NDST3: variants seen among roughly 807,000 people sequenced by gnomAD.
NDST3 encodes bifunctional heparan sulfate N-deacetylase/N-sulfotransferase 3.
NDST3 carries 58 observed loss-of-function variants against 96.1 expected under a neutral mutation model. The ratio of observed to expected loss-of-function variants is 0.60; its 90% CI spans 0.49 to 0.75. The LOEUF is 0.75. Ranked by LOEUF, NDST3 falls within the 30% of genes least tolerant of loss-of-function variation. The pLI, the probability that NDST3 is intolerant of heterozygous loss-of-function variation, is 0.00. For missense variants in NDST3, 788 were observed against 1,034.2 expected (o/e 0.76, Z 3.27); for synonymous variants, 333 against 359.7 (o/e 0.93, Z 0.84).
chr4:118,231,480 AC>A (rs966417015), intron 8 of NDST3, among the ~76,000 whole-genome samples: 50 of 151,320 alleles, frequency 3.3e-4, no homozygotes, highest in Admixed American at 1.3e-3. Context: ...CCATATTAAT[AC>A]CATTTAAGTA....
At chr4:118,151,497 T>A (rs1345208172) in intron 6 of NDST3, among the ~76,000 whole-genome samples, 7 of 152,170 alleles carry the variant, frequency 4.6e-5, no homozygotes, top group Non-Finnish European at 1.0e-4. Flanking sequence ...GATGCTTGAA[T>A]TTTAGAAATC....
At chr4:118,179,932 A>C (rs987176117) in intron 6 of NDST3, among the ~76,000 whole-genome samples, 1 of 152,072 alleles carries the variant, frequency 6.6e-6, no homozygotes, top group Admixed American at 6.6e-5. Context: ...GCTCTACTTT[A>C]CTACAAGGAA....
chr4:118,152,559 TA>T (rs1453627260), intron 6 of NDST3, among the ~76,000 whole-genome samples: 2 of 152,170 alleles, frequency 1.3e-5, no homozygotes, highest in Non-Finnish European at 2.9e-5. Context: ...CTACTGTAAA[TA>T]TTTTTCTGAT....
intron 2 of NDST3, among the ~76,000 whole-genome samples, chr4:118,059,082 C>A (rs1725687958): frequency 6.6e-6 from 1 of 152,070 alleles, no homozygotes; most frequent in African/African-American, 2.4e-5. Context: ...TCTCTCCCTT[C>A]CTCTCTCTCT....
intron 6 of NDST3, among the ~76,000 whole-genome samples, chr4:118,201,055 G>A (rs188526469): frequency 6.6e-6 from 1 of 152,284 alleles, no homozygotes; most frequent in South Asian, 2.1e-4. Context: ...TTCTGTTTCT[G>A]CATTAATTTG....
chr4:118,170,501 C>T (rs570292331), intron 6 of NDST3, among the ~76,000 whole-genome samples: 30 of 152,154 alleles, frequency 2.0e-4, no homozygotes, highest in African/African-American at 6.7e-4. Flanking sequence ...AGACAGAGGT[C>T]GGCAGATCAC....
intron 1 of NDST3, among the ~76,000 whole-genome samples, chr4:118,038,232 G>T (rs923622114): frequency 6.6e-6 from 1 of 152,162 alleles, no homozygotes; most frequent in Non-Finnish European, 1.5e-5. Context: ...CAATCTTAGA[G>T]GGTAAAGGCA....
At chr4:118,130,008 T>C (rs1732475176) in intron 4 of NDST3, among the ~76,000 whole-genome samples, 2 of 152,206 alleles carry the variant, frequency 1.3e-5, no homozygotes, top group East Asian at 1.9e-4. Flanking sequence ...TAACTACTCC[T>C]GTTCATTTTT....
At chr4:118,198,254 T>A (rs1488042171) in intron 6 of NDST3, among the ~76,000 whole-genome samples, 1 of 152,210 alleles carries the variant, frequency 6.6e-6, no homozygotes, top group Admixed American at 6.5e-5. Flanking sequence ...TTCCTTCATG[T>A]CTTTCTTTTT....
chr4:118,175,968 T>C (rs7685455), intron 6 of NDST3, among the ~76,000 whole-genome samples: 27,530 of 151,988 alleles, frequency 0.18, 2,645 homozygotes, highest in South Asian at 0.23. Flanking sequence ...GTGCTATCCT[T>C]ACTCCACTTT....
intron 6 of NDST3, among the ~76,000 whole-genome samples, chr4:118,148,328 T>A (rs1040273227): frequency 1.3e-5 from 2 of 152,168 alleles, no homozygotes; most frequent in Admixed American, 1.3e-4. Context: ...CTACACTTGC[T>A]TGGAATTCAG....
rs567086269 is a variant in NDST3, at chr4:118,110,054, A to C, written c.1070-4752A>C. ...ACTTGTTTTCTAGATAAGAACATAGAAACTTAAAGGGGCCCAAGGTCACAT... is the reference window on the plus strand; with the variant it reads ...ACTTGTTTTCTAGATAAGAACATAGCAACTTAAAGGGGCCCAAGGTCACAT... On this transcript the variant is annotated intron_variant, in intron 3 of 13. Transcript: ENST00000296499. Among the ~76,000 whole-genome samples, 12 of 152,314 alleles carry C rather than the reference A, an allele frequency of 7.9e-5. No individual in the cohort carries two copies. In the South Asian group the frequency reaches 2.5e-3, roughly 32 times the overall value.
chr4:118,094,372 G>T (rs1285752850), intron 2 of NDST3, among the ~76,000 whole-genome samples: 1 of 151,790 alleles, frequency 6.6e-6, no homozygotes, highest in Non-Finnish European at 1.5e-5. Flanking sequence ...GCCACATTAA[G>T]AGGTTATTCA....
At chr4:118,217,484 C>T (rs1739266366) in intron 6 of NDST3, among the ~76,000 whole-genome samples, 1 of 152,082 alleles carries the variant, frequency 6.6e-6, no homozygotes, top group Non-Finnish European at 1.5e-5. Flanking sequence ...GAGACGTGCT[C>T]ATGTGATGGA....
intron 6 of NDST3, among the ~76,000 whole-genome samples, chr4:118,154,590 T>G (rs1734607600): frequency 2.0e-5 from 3 of 152,184 alleles, no homozygotes; most frequent in Admixed American, 2.0e-4. Flanking sequence ...TAGCAGGTTT[T>G]CATAAGTGAT....
At chr4:118,090,354 T>C (rs1438569847) in intron 2 of NDST3, among the ~76,000 whole-genome samples, 2 of 152,008 alleles carry the variant, frequency 1.3e-5, no homozygotes, top group African/African-American at 4.8e-5. Flanking sequence ...TAGGAGGCAT[T>C]TGTAAACAGT....
chr4:118,230,427 T>C lies in NDST3; in HGVS notation c.1820-2585T>C, dbSNP rs371205316. Reference sequence around the variant, plus strand: ...CGTCTCCACTAAAAATACAAAAATTTAGCCGGGTGCGGTGGCGGGCGCCTG... The same window carrying C: ...CGTCTCCACTAAAAATACAAAAATTCAGCCGGGTGCGGTGGCGGGCGCCTG... On this transcript the variant is annotated intron_variant, in intron 8 of 13. Coordinates refer to ENST00000296499, the MANE Select transcript of NDST3 (RefSeq NM_004784.3). 3.0e-4 allele frequency among the ~76,000 whole-genome samples: 45 copies of C among 152,128 alleles called. 1 individual carries two copies. The highest frequency in any genetic ancestry group is 1.0e-3 in the African/African-American group (42 of 41,520).
At chr4:118,154,857 AT>A (rs1338547591) in intron 6 of NDST3, among the ~76,000 whole-genome samples, 2 of 152,268 alleles carry the variant, frequency 1.3e-5, no homozygotes, top group East Asian at 3.9e-4. Flanking sequence ...CCTTCTTAAT[AT>A]GAGTCAGTGA....
chr4:118,114,014 G>A (rs1302708068), intron 3 of NDST3, among the ~76,000 whole-genome samples: 3 of 151,968 alleles, frequency 2.0e-5, no homozygotes, highest in Admixed American at 2.0e-4. Flanking sequence ...TGAACTGCAG[G>A]CCAAGGAAAA....
Sources: gnomAD v4.1 joint callset for allele counts (sites outside exome capture counted in the v4.1 genomes callset) on GRCh38, gnomAD v4.1.1 for gene constraint, MANE v1.5 for transcripts, NCBI Gene and HGNC (gene_info 2026-07-23, HGNC 2026-07-21) for gene names.